ZDHHC20: variants seen among roughly 807,000 people sequenced by gnomAD.
The protein encoded by ZDHHC20 is zDHHC palmitoyltransferase 20.
Under a neutral mutation model 57.8 loss-of-function variants are expected in ZDHHC20, and 43 were observed. The ratio of observed to expected loss-of-function variants is 0.74; its 90% CI spans 0.58 to 0.96. The LOEUF (loss-of-function observed/expected upper bound fraction) is 0.96, where lower values mean the gene tolerates loss of function less well. ZDHHC20 is among the 40% of genes least tolerant of loss of function. The probability of loss-of-function intolerance (pLI) is 0.00; values close to 1 mark genes in which losing one functional copy is unlikely to be tolerated. For synonymous variants in ZDHHC20, 157 were observed against 153.0 expected (o/e 1.03, Z -0.19); for missense variants, 391 against 441.1 (o/e 0.89, Z 1.02).
chr13:21,393,380 A>G (rs1329940370), intron 7 of ZDHHC20, among the ~76,000 whole-genome samples: 2 of 151,458 alleles, frequency 1.3e-5, no homozygotes, highest in Non-Finnish European at 2.9e-5. Flanking sequence ...ACACGCCTGT[A>G]ATCCCAGCTA....
intron 1 of ZDHHC20, among the ~76,000 whole-genome samples, chr13:21,429,732 T>C (rs1006007244): frequency 3.2e-4 from 48 of 152,216 alleles, no homozygotes; most frequent in African/African-American, 1.1e-3. Flanking sequence ...GTACAAATAT[T>C]AGAACTTTTA....
chr13:21,421,111 A>G lies in ZDHHC20; in HGVS notation c.199T>C (p.Trp67Arg), dbSNP rs1401853135. Residue 67 changes from tryptophan to arginine, a missense_variant, in exon 3 of 13, where the codon TGG (tryptophan) becomes CGG (arginine). By Grantham distance (101) the Trp-to-Arg change is moderately radical. This residue lies in a region of ZDHHC20 where 185 missense variants were observed against 188.0 expected (regional missense o/e 0.98). Coordinates refer to ENST00000400590, the MANE Select transcript of ZDHHC20 (RefSeq NM_001330059.2). Reference sequence around the variant, plus strand: ...GTGAAAATTGTCATCCAATAGGACCATACAAACATAACAAAGAACAGATGG... The same window carrying G: ...GTGAAAATTGTCATCCAATAGGACCGTACAAACATAACAAAGAACAGATGG... ...AFHLFFVMFV[W>R]SYWMTIFTSP... 5.6e-6 allele frequency: 9 copies of G among 1,613,406 alleles called. No individual in the cohort carries two copies. Among genetic ancestry groups the G allele is most frequent in the Admixed American group, 1.7e-5 (1 of 60,020 alleles).
intron 1 of ZDHHC20, among the ~76,000 whole-genome samples, chr13:21,440,093 A>G (rs2137999862): frequency 7.7e-6 from 1 of 129,782 alleles, no homozygotes; most frequent in Non-Finnish European, 1.7e-5. Flanking sequence ...AAAAAAAAAA[A>G]AAAAAGACAA....
intron 2 of ZDHHC20, among the ~76,000 whole-genome samples, chr13:21,425,298 C>G (rs1237376649): frequency 6.6e-6 from 1 of 151,976 alleles, no homozygotes; most frequent in Non-Finnish European, 1.5e-5. Flanking sequence ...ATCATGAAAG[C>G]AGAATTGTCT....
At chr13:21,436,654 G>A (rs1047355037) in intron 1 of ZDHHC20, among the ~76,000 whole-genome samples, 10 of 152,172 alleles carry the variant, frequency 6.6e-5, no homozygotes, top group Admixed American at 3.9e-4. Context: ...ATCTCTCTCC[G>A]TCTCCTTGGG....
chr13:21,404,818 A>G (rs1033124729), intron 4 of ZDHHC20, among the ~76,000 whole-genome samples: 1 of 151,876 alleles, frequency 6.6e-6, no homozygotes, highest in Non-Finnish European at 1.5e-5. Context: ...AAGAATATAT[A>G]TTTTCTTTTT....
At chr13:21,407,084 G>A (rs1878554522) in intron 4 of ZDHHC20, among the ~76,000 whole-genome samples, 1 of 152,144 alleles carries the variant, frequency 6.6e-6, no homozygotes, top group Non-Finnish European at 1.5e-5. Context: ...CATCTCCCAG[G>A]TTCAAGTGAT....
At chr13:21,440,235 T>TTAG (rs1883004853) in intron 1 of ZDHHC20, among the ~76,000 whole-genome samples, 1 of 152,100 alleles carries the variant, frequency 6.6e-6, no homozygotes, top group South Asian at 2.1e-4. Context: ...ATAGTAACAC[T>TTAG]TAGAAAATGT....
At chr13:21,393,767 G>C (rs567165878) in intron 7 of ZDHHC20, among the ~76,000 whole-genome samples, 92 of 143,936 alleles carry the variant, frequency 6.4e-4, no homozygotes, top group African/African-American at 2.2e-3. Flanking sequence ...GCTAGGGCTA[G>C]TCTTTAACTC....
chr13:21,376,527 C>A lies in ZDHHC20; in HGVS notation c.*169G>T. Reference sequence around the variant, plus strand: ...GCTCTGGAGTAGTGCTTCTGTGAATCCCAGGAACTGTACAAAGGCTTTCCG... The same window carrying A: ...GCTCTGGAGTAGTGCTTCTGTGAATACCAGGAACTGTACAAAGGCTTTCCG... On this transcript the variant is annotated 3_prime_UTR_variant, in exon 13 of 13. Transcript: ENST00000400590. 1.5e-6 allele frequency: 1 copy of A among 653,560 alleles called. No individual in the cohort carries two copies. The highest frequency in any genetic ancestry group is 4.6e-4 in the Middle Eastern group (1 of 2,164). The allele number at this position is 653,560 out of a possible 1,614,324, so 40.5% of individuals were successfully genotyped here.
At chr13:21,389,680 C>T (rs1954026721) in intron 8 of ZDHHC20, among the ~76,000 whole-genome samples, 1 of 152,166 alleles carries the variant, frequency 6.6e-6, no homozygotes, top group Admixed American at 6.5e-5. Flanking sequence ...GCACGACTGG[C>T]AAGACCTGCA....
chr13:21,382,958 T>C lies in ZDHHC20; in HGVS notation c.906A>G (p.Glu302=), dbSNP rs548275879. 172 of 1,565,724 alleles carry C rather than the reference T, an allele frequency of 1.1e-4. 2 individuals carry two copies. The South Asian group carries it at 1.9e-3, about 17-fold the overall frequency. ...CATTCTGGTTTGTAACAGAAGCTTG[T>C]TCTGGATCCATCCCCACAAGGCGAG... ...FPTRLVGMDP[E]QASVTNQNEY... Residue 302 remains glutamate, a synonymous_variant, in exon 10 of 13, where the codon GAA becomes GAG. Transcript: ENST00000400590.
At chr13:21,398,463 C>CAAA (rs533339364) in intron 7 of ZDHHC20, among the ~76,000 whole-genome samples, 3,816 of 98,094 alleles carry the variant, frequency 0.039, 164 homozygotes, top group African/African-American at 0.12. Context: ...GACTCCGTCT[C>CAAA]AAAAAAAAAA....
chr13:21,455,035 C>T (rs1230153603), intron 1 of ZDHHC20, among the ~76,000 whole-genome samples: 1 of 152,186 alleles, frequency 6.6e-6, no homozygotes, highest in East Asian at 1.9e-4. Context: ...ATTCTCCTGC[C>T]TCAGCCTCCC....
intron 1 of ZDHHC20, among the ~76,000 whole-genome samples, chr13:21,456,486 C>T (rs1223028036): frequency 2.0e-5 from 3 of 152,154 alleles, no homozygotes; most frequent in African/African-American, 7.2e-5. Flanking sequence ...ACTCACACTT[C>T]CCTCCATTTA....
chr13:21,426,607 C>CT (rs778269073), intron 1 of ZDHHC20, among the ~76,000 whole-genome samples: 5,691 of 135,298 alleles, frequency 0.042, 389 homozygotes, highest in African/African-American at 0.13. Flanking sequence ...TTCTCCTTTT[C>CT]TTTTTTTTTT....
chr13:21,378,384 G>A (rs1363666425), intron 12 of ZDHHC20, among the ~76,000 whole-genome samples: 1 of 151,918 alleles, frequency 6.6e-6, no homozygotes, highest in Non-Finnish European at 1.5e-5. Flanking sequence ...AATTAATAAG[G>A]TACTGCCTTC....
chr13:21,410,955 C>A (rs1430595813), intron 4 of ZDHHC20, among the ~76,000 whole-genome samples: 2 of 152,204 alleles, frequency 1.3e-5, no homozygotes, highest in African/African-American at 4.8e-5. Flanking sequence ...AAATGGCCAC[C>A]CACTTTTGTG....
chr13:21,450,253 T>C (rs531439033), intron 1 of ZDHHC20, among the ~76,000 whole-genome samples: 1 of 152,246 alleles, frequency 6.6e-6, no homozygotes, highest in Non-Finnish European at 1.5e-5. Flanking sequence ...GAATTCAGCA[T>C]ACTACTACTT....
Sources: allele counts gnomAD v4.1 joint callset (sites outside exome capture counted in the v4.1 genomes callset), GRCh38; gene constraint gnomAD v4.1.1; regional missense constraint gnomAD v4.1.1; transcripts MANE v1.5; gene names NCBI Gene and HGNC (gene_info 2026-07-23, HGNC 2026-07-21).